CASQ2: variants seen among roughly 807,000 people sequenced by gnomAD.
The protein encoded by CASQ2 is calsequestrin-2.
CASQ2 carries 49 observed loss-of-function variants against 46.5 expected under a neutral mutation model. The observed-to-expected ratio is 1.05, with a 90% CI of 0.84 to 1.34. CASQ2 has a LOEUF of 1.34. Among genes scored for constraint, CASQ2 ranks in the 40% most tolerant of loss-of-function variants. The pLI is 0.00. For synonymous variants in CASQ2, 174 were observed against 168.5 expected (o/e 1.03, Z -0.25); for missense variants, 486 against 481.3 (o/e 1.01, Z -0.09).
Position 115,717,905 on chromosome 1 carries a change from A to C in CASQ2, c.784-11T>G, listed in dbSNP as rs761150514. 4.4e-6 allele frequency: 7 copies of C among 1,576,174 alleles called. No homozygotes were observed. The South Asian group carries it at 6.6e-5, about 15-fold the overall frequency. ...ATTCAAATCATCTTCCTGTATGAGA[A>C]AAGTAACAAAAGTTACACTTCCAGC... On this transcript the variant is annotated splice_polypyrimidine_tract_variant and intron_variant, in intron 7 of 10. Transcript: ENST00000261448.
intron 4 of CASQ2, among the ~76,000 whole-genome samples, chr1:115,737,248 G>T (rs1647994833): frequency 6.6e-6 from 1 of 152,178 alleles, no homozygotes; most frequent in Non-Finnish European, 1.5e-5. Context: ...GTAAATGGAG[G>T]TTTTAATGAA....
At chr1:115,747,087 T>C (rs1648416204) in intron 1 of CASQ2, among the ~76,000 whole-genome samples, 1 of 152,160 alleles carries the variant, frequency 6.6e-6, no homozygotes, top group Non-Finnish European at 1.5e-5. Flanking sequence ...TGAATTCTCT[T>C]ATTTTTTCTA....
In CASQ2 at chr1:115,724,137, T is replaced by C. The variant is rs76213409; in HGVS notation, c.783+1371A>G. Among the ~76,000 whole-genome samples the C allele has an allele frequency of 4.1e-3, 627 of 152,322 alleles. 2 individuals are homozygous for C. Among genetic ancestry groups the C allele is most frequent in the African/African-American group, 0.015 (603 of 41,564 alleles). On this transcript the variant is annotated intron_variant, in intron 7 of 10. Coordinates refer to ENST00000261448, the MANE Select transcript of CASQ2 (RefSeq NM_001232.4). ...CACCAAATGGCCCCTTGTGGGGACA[T>C]AGTCACTCTGGGGAGGCATTCTGCA...
At chr1:115,728,719 G>A (rs191643137) in intron 5 of CASQ2, among the ~76,000 whole-genome samples, 138 of 152,282 alleles carry the variant, frequency 9.1e-4, no homozygotes, top group South Asian at 3.7e-3. Context: ...ATTGTATGTG[G>A]TAAGAATGAT....
chr1:115,758,092 C>T (rs1038766359), intron 1 of CASQ2, among the ~76,000 whole-genome samples: 2 of 152,212 alleles, frequency 1.3e-5, no homozygotes, highest in African/African-American at 4.8e-5. Context: ...CATAAGTTGG[C>T]ACTGCTTACA....
chr1:115,726,512 T>C (rs1177905945), intron 6 of CASQ2, among the ~76,000 whole-genome samples: 2 of 152,210 alleles, frequency 1.3e-5, no homozygotes, highest in Non-Finnish European at 2.9e-5. Flanking sequence ...CACTAAGTGG[T>C]ATCAAGCATT....
chr1:115,726,822 T>A (rs936578173), intron 6 of CASQ2, among the ~76,000 whole-genome samples, 170 bp downstream of exon 6: 1 of 152,188 alleles, frequency 6.6e-6, no homozygotes, highest in Non-Finnish European at 1.5e-5. Flanking sequence ...TCAGAAGTAA[T>A]AACATCCCTG....
chr1:115,719,692 C>T (rs1414544756), intron 7 of CASQ2, among the ~76,000 whole-genome samples: 1 of 152,102 alleles, frequency 6.6e-6, no homozygotes, highest in Non-Finnish European at 1.5e-5. Flanking sequence ...ACTCACAGAG[C>T]CAGAACCCAT....
chr1:115,712,814 C>T (rs962024556), intron 8 of CASQ2, among the ~76,000 whole-genome samples: 2 of 148,024 alleles, frequency 1.4e-5, no homozygotes, highest in African/African-American at 5.0e-5. Context: ...AGAGATGGTG[C>T]CACTGCACTC....
chr1:115,725,551 G>A lies in CASQ2; in HGVS notation c.740C>T (p.Pro247Leu), dbSNP rs768261470. ...TTCTGGGCGCAGGCGACGTAGAGTG[G>A]GTCTGGAAAAAAAAAAAAAAAAAAA... The part of the protein sequence containing the change: ...LVEFVKEHQR[P>L]TLRRLRPEEM... Residue 247 changes from proline (P) to leucine (L), a missense_variant and splice_region_variant, in exon 7 of 11, where the codon CCC (proline) becomes CTC (leucine). Transcript: ENST00000261448. 2.0e-6 allele frequency: 3 copies of A among 1,536,662 alleles called. No homozygotes were observed. The highest frequency in any genetic ancestry group is 1.6e-5 in the African/African-American group (1 of 61,400).
intron 3 of CASQ2, 137 bp downstream of exon 3, chr1:115,740,591 T>C: frequency 2.9e-6 from 2 of 681,246 alleles, no homozygotes; most frequent in Non-Finnish European, 5.3e-6. Context: ...TAGGTGCTCC[T>C]TAGTTTTTTG....
intron 5 of CASQ2, among the ~76,000 whole-genome samples, chr1:115,731,679 C>T (rs1647788740): frequency 6.6e-6 from 1 of 152,198 alleles, no homozygotes; most frequent in Non-Finnish European, 1.5e-5. Context: ...TCAGGCTGGT[C>T]TGAGATTATA....
intron 1 of CASQ2, among the ~76,000 whole-genome samples, chr1:115,750,321 T>G (rs1183955001): frequency 6.6e-6 from 1 of 152,224 alleles, no homozygotes; most frequent in Non-Finnish European, 1.5e-5. Flanking sequence ...TTTGTTTGTT[T>G]GGTCAGTTAC....
Position 115,763,390 on chromosome 1 carries a change from G to A in CASQ2, c.234+4918C>T, listed in dbSNP as rs573892452. Among the ~76,000 whole-genome samples the A allele has an allele frequency of 1.4e-4, 22 of 152,146 alleles. No homozygotes were observed. In the South Asian group the frequency reaches 2.3e-3, roughly 16 times the overall value. ...AGTACATCGAGAGCGACCTGTGACC[G>A]CTGGCAACTCACTCCTCCTCTCTAG... On this transcript the variant is annotated intron_variant, in intron 1 of 10. Coordinates refer to ENST00000261448, the MANE Select transcript of CASQ2 (RefSeq NM_001232.4).
chr1:115,738,127 G>A, intron 4 of CASQ2, 97 bp downstream of exon 4: 1 of 794,668 alleles, frequency 1.3e-6, no homozygotes. Context: ...CCCAGCAAAA[G>A]AGGTGCTGAA....
At chr1:115,756,357 G>A (rs1184974151) in intron 1 of CASQ2, among the ~76,000 whole-genome samples, 1 of 152,204 alleles carries the variant, frequency 6.6e-6, no homozygotes, top group Non-Finnish European at 1.5e-5. Context: ...TATAAAAAGG[G>A]AAGCCTTAGA....
chr1:115,721,490 C>G lies in CASQ2; in HGVS notation c.784-3596G>C, dbSNP rs1647374748. ...AGAAAGATCAATAGTTGTTTTAGTCCTAGCTGGCTTTCCCATCTTATTTAA... is the reference window on the plus strand; with the variant it reads ...AGAAAGATCAATAGTTGTTTTAGTCGTAGCTGGCTTTCCCATCTTATTTAA... On this transcript the variant is annotated intron_variant, in intron 7 of 10. Coordinates refer to ENST00000261448, the MANE Select transcript of CASQ2 (RefSeq NM_001232.4). 5.3e-5 allele frequency among the ~76,000 whole-genome samples: 8 copies of G among 152,142 alleles called. No individual in the cohort carries two copies. In the South Asian group the frequency reaches 1.5e-3, roughly 28 times the overall value.
chr1:115,701,029 T>C lies in CASQ2; in HGVS notation c.*212A>G. The C allele has an allele frequency of 1.4e-6, 1 of 691,260 alleles. No individual in the cohort carries two copies. Among genetic ancestry groups the C allele is most frequent in the Non-Finnish European group, 2.6e-6 (1 of 391,872 alleles). 42.8% of individuals were successfully genotyped at this position (691,260 alleles called of 1,614,324 possible). A position where few individuals can be genotyped will look rare whatever the true frequency, so the allele number is the denominator to read the frequency against. On this transcript the variant is annotated 3_prime_UTR_variant, in exon 11 of 11. Coordinates refer to ENST00000261448, the MANE Select transcript of CASQ2 (RefSeq NM_001232.4). The stretch of plus-strand genomic sequence containing the variant: ...CAAGACAGTCAACATGGGAATAATT[T>C]TTCTCCTGTCCCTGCTAAGTGGGAT...
intron 5 of CASQ2, among the ~76,000 whole-genome samples, chr1:115,732,632 T>G (rs1647828534): frequency 6.6e-6 from 1 of 152,154 alleles, no homozygotes; most frequent in Non-Finnish European, 1.5e-5. Context: ...GGCCCACACG[T>G]TTCCCATCTC....
Sources: allele counts gnomAD v4.1 joint callset (sites outside exome capture counted in the v4.1 genomes callset), GRCh38; gene constraint gnomAD v4.1.1; transcripts MANE v1.5; gene names NCBI Gene and HGNC (gene_info 2026-07-23, HGNC 2026-07-21).